The following TRIO variants were observed in gnomAD, a reference collection of about 807,000 sequenced individuals.
TRIO encodes the protein trio Rho guanine nucleotide exchange factor.
A neutral mutation model predicts 351.9 loss-of-function variants in TRIO; 58 were observed. That is an observed-to-expected ratio of 0.16 (90% CI 0.13 to 0.21). TRIO has a LOEUF of 0.21. Ranked by LOEUF, TRIO falls within the 10% of genes least tolerant of loss-of-function variation. TRIO has a pLI of 1.00. For synonymous variants in TRIO, 1,758 were observed against 1,595.7 expected (o/e 1.10, Z -2.42); for missense variants, 3,201 against 4,027.8 (o/e 0.79, Z 5.56).
rs564839036 is a variant in TRIO, at chr5:14,289,136, C to T, written c.541-1580C>T. ...GGCGCGGTGGCTCATGCCTGTAATC[C>T]CAGCACTTTGGAAGGCCGAGGCGGG... On this transcript the variant is annotated intron_variant, in intron 4 of 56. Transcript: ENST00000344204. Among the ~76,000 whole-genome samples, 9 of 152,156 alleles carry T rather than the reference C, an allele frequency of 5.9e-5. No individual in the cohort carries two copies. In the South Asian group the frequency reaches 1.7e-3, roughly 28 times the overall value.
At chr5:14,344,379 T>C (rs1039200253) in intron 11 of TRIO, among the ~76,000 whole-genome samples, 3 of 152,244 alleles carry the variant, frequency 2.0e-5, no homozygotes, top group African/African-American at 4.8e-5. Flanking sequence ...ATTATGTCTT[T>C]CTATAAAAAT....
chr5:14,324,824 C>T (rs1740220679), intron 9 of TRIO, among the ~76,000 whole-genome samples: 1 of 152,208 alleles, frequency 6.6e-6, no homozygotes, highest in African/African-American at 2.4e-5. Context: ...CTAGTGGCAT[C>T]TGGACAGCCC....
intron 2 of TRIO, 71 bp from the exon 3 acceptor site, chr5:14,280,251 G>A: frequency 6.9e-7 from 1 of 1,443,188 alleles, no homozygotes; most frequent in Non-Finnish European, 9.7e-7. Flanking sequence ...TTTTGACAGA[G>A]TGAATGGATG....
At chr5:14,194,032 C>T (rs1374753247) in intron 1 of TRIO, among the ~76,000 whole-genome samples, 1 of 152,174 alleles carries the variant, frequency 6.6e-6, no homozygotes, top group Non-Finnish European at 1.5e-5. Context: ...TTGTCGTGGC[C>T]TGTCCAAACC....
chr5:14,449,257 C>A (rs1752665886), intron 34 of TRIO, among the ~76,000 whole-genome samples: 1 of 152,228 alleles, frequency 6.6e-6, no homozygotes, highest in African/African-American at 2.4e-5. Flanking sequence ...GAACAGACTG[C>A]TTCCACGGCC....
intron 8 of TRIO, among the ~76,000 whole-genome samples, chr5:14,315,768 G>A (rs1739331882): frequency 6.6e-6 from 1 of 152,096 alleles, no homozygotes; most frequent in Non-Finnish European, 1.5e-5. Flanking sequence ...TTTTAAGTAG[G>A]AAAAATACAT....
chr5:14,183,121 G>C (rs1789895569), intron 1 of TRIO, among the ~76,000 whole-genome samples: 2 of 152,136 alleles, frequency 1.3e-5, no homozygotes, highest in African/African-American at 4.8e-5. Flanking sequence ...AAGGATGCCT[G>C]TTCCTTCTGG....
chr5:14,468,523 T>C (rs978307876), intron 37 of TRIO, among the ~76,000 whole-genome samples: 5 of 152,248 alleles, frequency 3.3e-5, no homozygotes. Flanking sequence ...GGGAATGCGA[T>C]CTAAATTCTC....
At chr5:14,396,223 C>T (rs1747560997) in intron 28 of TRIO, among the ~76,000 whole-genome samples, 1 of 151,770 alleles carries the variant, frequency 6.6e-6, no homozygotes, top group African/African-American at 2.4e-5. Flanking sequence ...ACATCCTACG[C>T]AAAAAGGAAA....
chr5:14,331,296 G>A (rs986556250), intron 10 of TRIO, among the ~76,000 whole-genome samples: 6 of 152,148 alleles, frequency 3.9e-5, no homozygotes, highest in Admixed American at 2.6e-4. Context: ...AACAGGAGCC[G>A]GGAGTCCAGT....
At chr5:14,384,314 G>A (rs1360635830) in intron 21 of TRIO, among the ~76,000 whole-genome samples, 3 of 152,196 alleles carry the variant, frequency 2.0e-5, no homozygotes, top group Non-Finnish European at 4.4e-5. Flanking sequence ...GTTAGAAAGT[G>A]TCTAACACCA....
At chr5:14,452,732 T>C (rs27108) in intron 34 of TRIO, among the ~76,000 whole-genome samples, 45,971 of 152,116 alleles carry the variant, frequency 0.3, 8,194 homozygotes, top group African/African-American at 0.5. Flanking sequence ...GTTTTTAGTT[T>C]GGCTTACTAC....
chr5:14,200,253 C>G (rs552904954), intron 1 of TRIO, among the ~76,000 whole-genome samples: 4 of 152,308 alleles, frequency 2.6e-5, no homozygotes, highest in African/African-American at 9.6e-5. Context: ...GGGCCCTTCC[C>G]TTCCCCGTGA....
Position 14,387,743 on chromosome 5 carries a change from C to T in TRIO, c.3777C>T (p.Leu1259=). 3 of 1,614,236 alleles carry T rather than the reference C, an allele frequency of 1.9e-6. No homozygotes were observed. In the South Asian group the frequency reaches 3.3e-5, roughly 18 times the overall value. The change falls in exon 23 of 57, where the codon CTC becomes CTT. Residue 1259 remains leucine, a synonymous_variant. Coordinates refer to ENST00000344204, the MANE Select transcript of TRIO (RefSeq NM_007118.4). ...CTGTTATTCCACAGAGTAAAAGTCTCCAGCTAGATATCATTCCAGCCAGTA... is the reference window on the plus strand; with the variant it reads ...CTGTTATTCCACAGAGTAAAAGTCTTCAGCTAGATATCATTCCAGCCAGTA... ...SSDSNKSSKS[L]QLDIIPASIP...
intron 3 of TRIO, among the ~76,000 whole-genome samples, chr5:14,282,033 A>G (rs1353204019): frequency 6.6e-6 from 1 of 152,154 alleles, no homozygotes; most frequent in Non-Finnish European, 1.5e-5. Context: ...TTTGGTCTTG[A>G]TAGTTTGACT....
intron 1 of TRIO, among the ~76,000 whole-genome samples, chr5:14,173,091 T>G (rs929340282): frequency 6.6e-6 from 1 of 151,974 alleles, no homozygotes; most frequent in East Asian, 1.9e-4. Flanking sequence ...ATGGGTAATA[T>G]GAGAAATGTG....
chr5:14,388,805 TA>T lies in TRIO; in HGVS notation c.3948+129del, dbSNP rs1746790427. On this transcript the variant is annotated intron_variant, in intron 24 of 56. Coordinates refer to ENST00000344204, the MANE Select transcript of TRIO (RefSeq NM_007118.4). ...TTTTTTTCTGTCATTTTTTTAAATG[TA>T]AAGTATGCTTCAGCAGCCGGTTTCA... 4 of 1,113,858 alleles carry T rather than the reference TA, an allele frequency of 3.6e-6. No individual in the cohort carries two copies. The South Asian group carries it at 6.4e-5, about 18-fold the overall frequency. 69.0% of individuals were successfully genotyped at this position (1,113,858 alleles called of 1,614,324 possible).
chr5:14,255,241 T>G (rs992536617), intron 1 of TRIO, among the ~76,000 whole-genome samples: 1 of 152,196 alleles, frequency 6.6e-6, no homozygotes, highest in Admixed American at 6.5e-5. Context: ...TTCATAAACT[T>G]GGGAAAGTGC....
chr5:14,349,220 G>GT (rs905355520), intron 11 of TRIO, among the ~76,000 whole-genome samples: 1 of 140,282 alleles, frequency 7.1e-6, no homozygotes, highest in African/African-American at 2.7e-5. Flanking sequence ...GATCATGTGT[G>GT]TTTTTCCTGT....
Sources: gnomAD v4.1 joint callset for allele counts (sites outside exome capture counted in the v4.1 genomes callset) on GRCh38, gnomAD v4.1.1 for gene constraint, MANE v1.5 for transcripts, NCBI Gene and HGNC (gene_info 2026-07-23, HGNC 2026-07-21) for gene names.